The following TCTA variants were observed in gnomAD, a reference collection of about 807,000 sequenced individuals.
The protein encoded by TCTA is T cell leukemia translocation altered.
A neutral mutation model predicts 13.5 loss-of-function variants in TCTA; 13 were observed. The ratio of observed to expected loss-of-function variants is 0.96; its 90% CI spans 0.63 to 1.53. The LOEUF is 1.53. Ranked by LOEUF, TCTA falls within the 40% of genes most tolerant of loss-of-function variation. The pLI is 0.00. For missense variants in TCTA, 138 were observed against 131.3 expected (o/e 1.05, Z -0.25); for synonymous variants, 58 against 59.0 (o/e 0.98, Z 0.08).
At chr3:49,414,721 C>T (rs2048986182) in intron 2 of TCTA, 99 bp from the exon 3 acceptor site, 2 of 1,452,324 alleles carry the variant, frequency 1.4e-6, no homozygotes, top group African/African-American at 2.8e-5. Context: ...CTTACTGAGC[C>T]TAGCTCAGCC....
intron 1 of TCTA, 36 bp downstream of exon 1, chr3:49,412,676 C>T (rs1454435840): frequency 6.2e-7 from 1 of 1,602,736 alleles, no homozygotes; most frequent in East Asian, 2.2e-5. Context: ...GGCTGGCCGC[C>T]CCCGCCCCCA....
rs182800797 is a variant in TCTA, at chr3:49,414,198, G to A, written c.270-622G>A. On this transcript the variant is annotated intron_variant, in intron 2 of 2. Transcript: ENST00000273590. The stretch of plus-strand genomic sequence containing the variant: ...AGAGGTTGCAGTGAGCCCAGATCAC[G>A]CCACTGCACTCCAGACTGGGCATCA... Among the ~76,000 whole-genome samples the A allele has an allele frequency of 9.7e-4, 147 of 152,050 alleles. 1 individual carries two copies. The East Asian group carries it at 0.021, about 22-fold the overall frequency.
intron 1 of TCTA, 39 bp downstream of exon 1, chr3:49,412,679 C>A (rs754865265): frequency 1.9e-6 from 3 of 1,600,168 alleles, no homozygotes; most frequent in East Asian, 2.2e-5. Context: ...TGGCCGCCCC[C>A]GCCCCCACCC....
At chr3:49,412,694 C>T (rs2048964631) in intron 1 of TCTA, 54 bp downstream of exon 1, 4 of 1,586,412 alleles carry the variant, frequency 2.5e-6, no homozygotes, top group Non-Finnish European at 3.4e-6. Context: ...CCACCCTCTC[C>T]CGACTGTACC....
At chr3:49,412,759 G>A in intron 1 of TCTA, 119 bp downstream of exon 1, 1 of 1,250,964 alleles carries the variant, frequency 8.0e-7, no homozygotes, top group South Asian at 1.4e-5. Flanking sequence ...ATTGGTTCAC[G>A]GCCTTACTAC....
At position 49,416,313 on chromosome 3, in the gene TCTA, CT is replaced by C; in HGVS notation, c.*1453del. On this transcript the variant is annotated 3_prime_UTR_variant, in exon 3 of 3. Coordinates refer to ENST00000273590, the MANE Select transcript of TCTA (RefSeq NM_022171.3). ...TCATACTTCCATCTGGCTGCCTTTG[CT>C]TAAGCCATCTTTGTGGTAGAGGGGC... 5.9e-6 allele frequency: 1 copy of C among 169,278 alleles called. No individual in the cohort carries two copies. The highest frequency in any genetic ancestry group is 5.5e-5 in the Admixed American group (1 of 18,216). The allele number at this position is 169,278 out of a possible 1,614,324, so 10.5% of individuals were successfully genotyped here.
At position 49,415,089 on chromosome 3, in the gene TCTA, GA is replaced by G. The variant is rs1181107162; in HGVS notation, c.*228del. 34 of 534,098 alleles carry G rather than the reference GA, an allele frequency of 6.4e-5. No homozygotes were observed. Among genetic ancestry groups the G allele is most frequent in the Non-Finnish European group, 8.7e-5 (26 of 298,504 alleles). The allele number at this position is 534,098 out of a possible 1,614,324, so 33.1% of individuals were successfully genotyped here. A position where few individuals can be genotyped will look rare whatever the true frequency, so the allele number is the denominator to read the frequency against. On this transcript the variant is annotated 3_prime_UTR_variant, in exon 3 of 3. Transcript: ENST00000273590. ...TGTACTCTTATCTGGGTGCCTTAAGGAGAGAGATTGTGTTCTTCCTCTCTCA... is the reference window on the plus strand; with the variant it reads ...TGTACTCTTATCTGGGTGCCTTAAGGGAGAGATTGTGTTCTTCCTCTCTCA...
chr3:49,414,576 TA>T (rs1235182305), intron 2 of TCTA, among the ~76,000 whole-genome samples: 1 of 151,666 alleles, frequency 6.6e-6, no homozygotes, highest in East Asian at 1.9e-4. Context: ...ATAAAAAGAA[TA>T]AAAAAACTAG....
At chr3:49,414,428 G>A (rs2048984361) in intron 2 of TCTA, among the ~76,000 whole-genome samples, 1 of 152,192 alleles carries the variant, frequency 6.6e-6, no homozygotes, top group African/African-American at 2.4e-5. Context: ...CAGCTACTTG[G>A]GAGGCTGAGG....
intron 2 of TCTA, among the ~76,000 whole-genome samples, chr3:49,413,663 G>C (rs1038181416): frequency 7.2e-5 from 11 of 152,158 alleles, no homozygotes. Flanking sequence ...CACCTAAGCC[G>C]AGATCAAATG....
intron 2 of TCTA, among the ~76,000 whole-genome samples, chr3:49,414,577 A>G (rs944359254): frequency 6.6e-6 from 1 of 152,156 alleles, no homozygotes; most frequent in African/African-American, 2.4e-5. Context: ...TAAAAAGAAT[A>G]AAAAAACTAG....
At position 49,412,493 on chromosome 3, in the gene TCTA, A is replaced by G. The variant is rs1261129029; in HGVS notation, c.67A>G (p.Ser23Gly). The G allele has an allele frequency of 1.9e-6, 3 of 1,614,100 alleles. No homozygotes were observed. Among genetic ancestry groups the G allele is most frequent in the Middle Eastern group, 1.7e-4 (1 of 6,020 alleles). ...LPATVLGALGSEFLREWEAQD... is the reference protein window; with the variant it reads ...LPATVLGALGGEFLREWEAQD... ...GGCCACGGTGCTGGGCGCGCTGGGC[A>G]GCGAGTTCTTGCGGGAGTGGGAGGC... Residue 23 changes from serine (S) to glycine (G), a missense_variant, in exon 1 of 3, where the codon AGC (serine) becomes GGC (glycine). Coordinates refer to ENST00000273590, the MANE Select transcript of TCTA (RefSeq NM_022171.3).
At chr3:49,414,682 C>A in intron 2 of TCTA, 138 bp from the exon 3 acceptor site, 1 of 999,034 alleles carries the variant, frequency 1.0e-6, no homozygotes, top group Non-Finnish European at 1.5e-6. Context: ...TGTGGGAGAC[C>A]AGCAGAGAGG....
At position 49,415,471 on chromosome 3, in the gene TCTA, G is replaced by A. The variant is rs1427880251; in HGVS notation, c.*609G>A. On this transcript the variant is annotated 3_prime_UTR_variant, in exon 3 of 3. Transcript: ENST00000273590. The stretch of plus-strand genomic sequence containing the variant: ...GCAGAGGTTGCAGTGAGCCAAGATT[G>A]CGCCGTTGTACTCCAGCCTGGGCAA... 6.5e-6 allele frequency: 1 copy of A among 153,242 alleles called. No homozygotes were observed. The highest frequency in any genetic ancestry group is 1.5e-5 in the Non-Finnish European group (1 of 68,752). The allele number at this position is 153,242 out of a possible 1,614,324, so 9.5% of individuals were successfully genotyped here. A position where few individuals can be genotyped will look rare whatever the true frequency, so the allele number is the denominator to read the frequency against.
At chr3:49,412,924 T>C in intron 1 of TCTA, 132 bp from the exon 2 acceptor site, 1 of 888,708 alleles carries the variant, frequency 1.1e-6, no homozygotes, top group Non-Finnish European at 1.8e-6. Flanking sequence ...CACCTGGCAA[T>C]ACCATTAGTC....
chr3:49,414,856 A>T lies in TCTA; in HGVS notation c.306A>T (p.Arg102Ser). Residue 102 changes from arginine to serine, a missense_variant, in exon 3 of 3, where the codon AGA becomes AGT. By Grantham distance (110) the Arg-to-Ser change is moderately radical (BLOSUM62 -1). Coordinates refer to ENST00000273590, the MANE Select transcript of TCTA (RefSeq NM_022171.3). ...MAANEPLKTHRE is the reference protein window; with the variant it reads ...MAANEPLKTHSE ...CAAACGAACCTCTCAAAACCCACAGAGAATAAGGGAAGGCAGCAGAGGGTC... is the reference window on the plus strand; with the variant it reads ...CAAACGAACCTCTCAAAACCCACAGTGAATAAGGGAAGGCAGCAGAGGGTC... 6.2e-7 allele frequency: 1 copy of T among 1,613,972 alleles called. No individual in the cohort carries two copies. The highest frequency in any genetic ancestry group is 8.5e-7 in the Non-Finnish European group (1 of 1,179,864).
chr3:49,414,709 A>G (rs772478026), intron 2 of TCTA, 111 bp from the exon 3 acceptor site: 36 of 1,329,462 alleles, frequency 2.7e-5, no homozygotes, highest in Non-Finnish European at 3.7e-5. Flanking sequence ...TTGTTATGTG[A>G]CCTTACTGAG....
At chr3:49,414,576 T>TA (rs1235182305) in intron 2 of TCTA, among the ~76,000 whole-genome samples, 1 of 151,666 alleles carries the variant, frequency 6.6e-6, no homozygotes, top group East Asian at 1.9e-4. Flanking sequence ...ATAAAAAGAA[T>TA]AAAAAAACTA....
chr3:49,412,476 T>C lies in TCTA; in HGVS notation c.50T>C (p.Val17Ala), dbSNP rs768166136. 6.2e-7 allele frequency: 1 copy of C among 1,613,752 alleles called. No individual in the cohort carries two copies. Among genetic ancestry groups the C allele is most frequent in the South Asian group, 1.1e-5 (1 of 91,072 alleles). Residue 17 changes from valine to alanine, a missense_variant, in exon 1 of 3, where the codon GTG (valine) becomes GCG (alanine). By Grantham distance (64) the Val-to-Ala change is moderately conservative. Coordinates refer to ENST00000273590, the MANE Select transcript of TCTA (RefSeq NM_022171.3). The part of the protein sequence containing the change: ...GQALQALPAT[V>A]LGALGSEFLR... ...GCCTTGCAGGCTCTGCCGGCCACGGTGCTGGGCGCGCTGGGCAGCGAGTTC... is the reference window on the plus strand; with the variant it reads ...GCCTTGCAGGCTCTGCCGGCCACGGCGCTGGGCGCGCTGGGCAGCGAGTTC...
Sources: allele counts gnomAD v4.1 joint callset (sites outside exome capture counted in the v4.1 genomes callset), GRCh38; gene constraint gnomAD v4.1.1; transcripts MANE v1.5; gene names NCBI Gene and HGNC (gene_info 2026-07-23, HGNC 2026-07-21).